The following NT5M variants were observed in gnomAD, a reference collection of about 807,000 sequenced individuals.
The protein encoded by NT5M is 5',3'-nucleotidase, mitochondrial.
A neutral mutation model predicts 22.2 loss-of-function variants in NT5M; 22 were observed. The ratio of observed to expected loss-of-function variants is 0.99; its 90% CI spans 0.71 to 1.41. The LOEUF (loss-of-function observed/expected upper bound fraction) is 1.41, where lower values mean the gene tolerates loss of function less well. Among genes scored for constraint, NT5M ranks in the 40% most tolerant of loss-of-function variants. NT5M has a pLI of 0.00. For missense variants in NT5M, 322 were observed against 314.8 expected, an observed-to-expected ratio of 1.02 and a Z score of -0.17; for synonymous variants, 167 against 133.0, an observed-to-expected ratio of 1.26 and a Z score of -1.76.
chr17:17,328,268 C>T (rs1454230104), intron 3 of NT5M, among the ~76,000 whole-genome samples: 2 of 152,150 alleles, frequency 1.3e-5, no homozygotes, highest in Non-Finnish European at 2.9e-5. Flanking sequence ...CCAGTGGCTA[C>T]AGGGGCTGAT....
chr17:17,314,974 C>T (rs2048994054), intron 2 of NT5M, among the ~76,000 whole-genome samples: 1 of 152,166 alleles, frequency 6.6e-6, no homozygotes, highest in Non-Finnish European at 1.5e-5. Flanking sequence ...CTGTGTCTGT[C>T]CCTTCCTCTT....
chr17:17,317,268 C>T (rs540967583), intron 2 of NT5M, among the ~76,000 whole-genome samples: 1 of 151,794 alleles, frequency 6.6e-6, no homozygotes, highest in Non-Finnish European at 1.5e-5. Flanking sequence ...CCAGGTTAGT[C>T]TCGATCTCCT....
intron 3 of NT5M, among the ~76,000 whole-genome samples, chr17:17,334,731 C>T (rs1391351343): frequency 6.6e-6 from 1 of 152,090 alleles, no homozygotes; most frequent in Admixed American, 6.6e-5. Flanking sequence ...ACTTTGGCCT[C>T]CCAAAGTGCT....
At chr17:17,335,662 T>G (rs1162423383) in intron 3 of NT5M, among the ~76,000 whole-genome samples, 2 of 151,672 alleles carry the variant, frequency 1.3e-5, no homozygotes, top group African/African-American at 2.4e-5. Context: ...AGATGGAGTC[T>G]TGCTCTGTCA....
chr17:17,308,211 G>T (rs1460381928), intron 2 of NT5M, among the ~76,000 whole-genome samples: 1 of 152,184 alleles, frequency 6.6e-6, no homozygotes, highest in East Asian at 1.9e-4. Context: ...TAGTTTTATG[G>T]ACTGAAGCCC....
intron 3 of NT5M, among the ~76,000 whole-genome samples, chr17:17,334,021 G>A (rs1203482931): frequency 2.6e-5 from 4 of 151,862 alleles, no homozygotes; most frequent in African/African-American, 4.8e-5. Context: ...TTTTAGTAGA[G>A]ACGGGGTTTC....
At chr17:17,315,689 G>C (rs2049007735) in intron 2 of NT5M, among the ~76,000 whole-genome samples, 1 of 151,648 alleles carries the variant, frequency 6.6e-6, no homozygotes, top group Non-Finnish European at 1.5e-5. Flanking sequence ...TGTTGGGGGT[G>C]GCAGGGGTGG....
At chr17:17,340,620 G>A (rs1360573752) in intron 3 of NT5M, among the ~76,000 whole-genome samples, 2 of 151,804 alleles carry the variant, frequency 1.3e-5, no homozygotes, top group African/African-American at 4.8e-5. Context: ...TCTGCCTCCT[G>A]GGTTCAAGCG....
intron 3 of NT5M, among the ~76,000 whole-genome samples, chr17:17,341,787 T>C (rs969783545): frequency 6.6e-6 from 1 of 152,194 alleles, no homozygotes. Context: ...TCCCAGCACT[T>C]TGGGAGGCCA....
At chr17:17,333,249 A>C (rs1432104197) in intron 3 of NT5M, among the ~76,000 whole-genome samples, 2 of 152,170 alleles carry the variant, frequency 1.3e-5, no homozygotes, top group African/African-American at 4.8e-5. Flanking sequence ...TTTATCAGAT[A>C]ATGTGTTTTA....
At chr17:17,304,315 C>G in intron 1 of NT5M, 1 of 725,684 alleles carries the variant, frequency 1.4e-6, no homozygotes, top group Non-Finnish European at 1.7e-6. Context: ...CACAGTGAGT[C>G]AGTGGTCCAG....
At chr17:17,343,454 C>T (rs1008708889) in intron 3 of NT5M, among the ~76,000 whole-genome samples, 2 of 152,206 alleles carry the variant, frequency 1.3e-5, no homozygotes, top group Admixed American at 6.5e-5. Flanking sequence ...TCTGCAGATC[C>T]GGCCCTTTTC....
chr17:17,337,294 T>A (rs2049536026), intron 3 of NT5M, among the ~76,000 whole-genome samples: 1 of 152,168 alleles, frequency 6.6e-6, no homozygotes, highest in African/African-American at 2.4e-5. Context: ...CAGGCTGGAG[T>A]GCAGTGGTGT....
chr17:17,327,665 G>T lies in NT5M; in HGVS notation c.429+4420G>T, dbSNP rs887258780. On this transcript the variant is annotated intron_variant, in intron 3 of 4. Transcript: ENST00000389022. Reference sequence around the variant, plus strand: ...CCTAAGTAGCTGGGATTACAGGTGCGTGCCACCATGACCAGCTAATTTTTG... The same window carrying T: ...CCTAAGTAGCTGGGATTACAGGTGCTTGCCACCATGACCAGCTAATTTTTG... Among the ~76,000 whole-genome samples, 2 of 105,932 alleles carry T rather than the reference G, an allele frequency of 1.9e-5. 1 individual carries two copies. The highest frequency in any genetic ancestry group is 6.5e-5 in the African/African-American group (2 of 30,716). 69.5% of individuals were successfully genotyped at this position (105,932 alleles called of 152,430 possible). A position where few individuals can be genotyped will look rare whatever the true frequency, so the allele number is the denominator to read the frequency against.
rs980887224 is a variant in NT5M, at chr17:17,317,272, A to G, written c.369-5913A>G. ...CACCGTATTAGCCAGGTTAGTCTCGATCTCCTGACCTGGTGATCTGCCCAC... is the reference window on the plus strand; with the variant it reads ...CACCGTATTAGCCAGGTTAGTCTCGGTCTCCTGACCTGGTGATCTGCCCAC... On this transcript the variant is annotated intron_variant, in intron 2 of 4. Transcript: ENST00000389022. 1.2e-4 allele frequency among the ~76,000 whole-genome samples: 18 copies of G among 151,316 alleles called. No individual in the cohort carries two copies. In the East Asian group the frequency reaches 3.3e-3, roughly 28 times the overall value.
At chr17:17,319,757 A>G (rs2049111980) in intron 2 of NT5M, among the ~76,000 whole-genome samples, 1 of 151,670 alleles carries the variant, frequency 6.6e-6, no homozygotes, top group East Asian at 1.9e-4. Flanking sequence ...ATAACAAAGG[A>G]GAACCTTTGA....
rs752604043 is a variant in NT5M at position 17,346,962 on chromosome 17, C to T, written c.*15C>T. The T allele has an allele frequency of 1.2e-5, 20 of 1,609,730 alleles. 1 individual carries two copies. The highest frequency in any genetic ancestry group is 5.3e-5 in the African/African-American group (4 of 74,936). Reference sequence around the variant, plus strand: ...GGCCCTGCTGAGCTGGACTGTGCTTCGGGCTCCTCTGTGGGGCTCTGACCT... The same window carrying T: ...GGCCCTGCTGAGCTGGACTGTGCTTTGGGCTCCTCTGTGGGGCTCTGACCT... On this transcript the variant is annotated 3_prime_UTR_variant, in exon 5 of 5. Transcript: ENST00000389022.
At chr17:17,344,501 T>C (rs2049715917) in intron 3 of NT5M, among the ~76,000 whole-genome samples, 1 of 152,194 alleles carries the variant, frequency 6.6e-6, no homozygotes, top group Admixed American at 6.5e-5. Context: ...GTTTGGGTTA[T>C]GCTGTGCAGT....
intron 3 of NT5M, among the ~76,000 whole-genome samples, chr17:17,325,035 C>T (rs189699901): frequency 1.3e-5 from 2 of 151,948 alleles, no homozygotes; most frequent in African/African-American, 4.8e-5. Flanking sequence ...TAGGAGTGGA[C>T]ATTTTTCAGC....
Sources: gnomAD v4.1 joint callset for allele counts (sites outside exome capture counted in the v4.1 genomes callset) on GRCh38, gnomAD v4.1.1 for gene constraint, MANE v1.5 for transcripts, NCBI Gene and HGNC (gene_info 2026-07-23, HGNC 2026-07-21) for gene names.